Variants in DPP6 observed in about 807,000 individuals in gnomAD.
The protein encoded by DPP6 is A-type potassium channel modulatory protein DPP6.
In DPP6, 69 loss-of-function variants were observed where a neutral mutation model predicts 122.6. The ratio of observed to expected loss-of-function variants is 0.56; its 90% CI spans 0.46 to 0.69. The LOEUF (loss-of-function observed/expected upper bound fraction) is 0.69, where lower values mean the gene tolerates loss of function less well. Among genes scored for constraint, DPP6 ranks in the 30% least tolerant of loss-of-function variants. DPP6 has a pLI of 0.00. For missense variants in DPP6, 928 were observed against 1,116.9 expected (o/e 0.83, Z 2.41); for synonymous variants, 418 against 433.1 (o/e 0.97, Z 0.43).
chr7:154,724,250 C>A (rs969039607), intron 7 of DPP6, among the ~76,000 whole-genome samples: 4 of 152,096 alleles, frequency 2.6e-5, no homozygotes, highest in Non-Finnish European at 4.4e-5. Flanking sequence ...AGAGAGGGGG[C>A]GACTTGCCCA....
chr7:154,844,985 G>A (rs1173177215), intron 16 of DPP6, among the ~76,000 whole-genome samples: 1 of 152,116 alleles, frequency 6.6e-6, no homozygotes, highest in Non-Finnish European at 1.5e-5. Flanking sequence ...AAAGGGCAGG[G>A]GATTCCCTAT....
At chr7:154,452,367 T>A (rs1341284068) in intron 2 of DPP6, among the ~76,000 whole-genome samples, 2 of 152,022 alleles carry the variant, frequency 1.3e-5, no homozygotes, top group Non-Finnish European at 2.9e-5. Flanking sequence ...AAGGCAGGAG[T>A]GGCTTCCACC....
the DPP6 span, among the ~76,000 whole-genome samples, chr7:153,807,243 T>C: frequency 6.6e-6 from 1 of 151,434 alleles, no homozygotes; most frequent in Non-Finnish European, 1.5e-5. Flanking sequence ...TGAAACCCCG[T>C]CTCTACTAAA....
chr7:154,434,212 G>A (rs1023402513), intron 1 of DPP6, among the ~76,000 whole-genome samples: 2 of 152,052 alleles, frequency 1.3e-5, no homozygotes, highest in Non-Finnish European at 2.9e-5. Flanking sequence ...CCCAAGTTTC[G>A]CTACTTAAAG....
chr7:154,705,141 G>A (rs1840757004), intron 7 of DPP6, among the ~76,000 whole-genome samples: 1 of 152,162 alleles, frequency 6.6e-6, no homozygotes, highest in Non-Finnish European at 1.5e-5. Context: ...GGAGAAGGGA[G>A]GGCATAGAAA....
intron 2 of DPP6, among the ~76,000 whole-genome samples, chr7:154,450,694 C>T (rs6464427): frequency 0.3 from 45,697 of 152,018 alleles, 7,960 homozygotes; most frequent in African/African-American, 0.47. Context: ...CCTGCACCTG[C>T]TGAAATCAGA....
chr7:154,053,196 C>A, intron 1 of DPP6, 133 bp downstream of exon 1: 1 of 830,984 alleles, frequency 1.2e-6, no homozygotes, highest in Non-Finnish European at 1.4e-6. Flanking sequence ...TCTCCGGGCG[C>A]CCCCAGACAG....
intron 1 of DPP6, among the ~76,000 whole-genome samples, chr7:153,930,971 G>A (rs1465947614): frequency 2.6e-5 from 4 of 152,184 alleles, no homozygotes; most frequent in African/African-American, 7.2e-5. Context: ...TTTTTACACA[G>A]TTCTGAAAGC....
At chr7:154,411,345 C>T (rs1563624536) in intron 1 of DPP6, among the ~76,000 whole-genome samples, 1 of 152,044 alleles carries the variant, frequency 6.6e-6, no homozygotes, top group East Asian at 1.9e-4. Context: ...GTTCAGGTGA[C>T]CCTCCCACCT....
intron 5 of DPP6, among the ~76,000 whole-genome samples, chr7:154,619,720 T>A (rs1019229723): frequency 6.6e-6 from 1 of 152,254 alleles, no homozygotes; most frequent in African/African-American, 2.4e-5. Flanking sequence ...GATGTGTATA[T>A]GTGTAGATAT....
chr7:153,867,546 T>A, the DPP6 span, among the ~76,000 whole-genome samples: 1 of 152,242 alleles, frequency 6.6e-6, no homozygotes, highest in Non-Finnish European at 1.5e-5. Flanking sequence ...TAAGGAGATT[T>A]TGGGCTGAGA....
At chr7:154,278,829 T>TGTGGGAGTGGGGATGCAC (rs1256743529) in intron 1 of DPP6, among the ~76,000 whole-genome samples, 2 of 151,694 alleles carry the variant, frequency 1.3e-5, no homozygotes, top group African/African-American at 4.8e-5. Context: ...CAGTTGCATG[T>TGTGGGAGTGGGGATGCAC]GTGGGAGTGG....
intron 1 of DPP6, among the ~76,000 whole-genome samples, chr7:153,988,148 T>C (rs143745154): frequency 0.048 from 7,272 of 152,208 alleles, 221 homozygotes; most frequent in South Asian, 0.08. Flanking sequence ...CTGTCCTCCT[T>C]CTTTTTTTCC....
chr7:154,212,559 G>A (rs1280553023), intron 1 of DPP6, among the ~76,000 whole-genome samples: 5 of 152,164 alleles, frequency 3.3e-5, no homozygotes, highest in South Asian at 2.1e-4. Flanking sequence ...GTGTGATGCC[G>A]TAGCACTCAG....
the DPP6 span, among the ~76,000 whole-genome samples, chr7:153,851,242 A>G: frequency 3.9e-5 from 6 of 152,116 alleles, no homozygotes; most frequent in African/African-American, 1.4e-4. Context: ...AAATGTAAAC[A>G]TAAACAATCA....
intron 1 of DPP6, among the ~76,000 whole-genome samples, chr7:154,083,014 A>G (rs1804141692): frequency 2.0e-5 from 3 of 151,492 alleles, no homozygotes; most frequent in Non-Finnish European, 4.4e-5. Context: ...ATGCCCGGCT[A>G]ATTTTTTGTA....
chr7:154,538,384 C>T (rs1027098967), intron 3 of DPP6, among the ~76,000 whole-genome samples: 1 of 152,126 alleles, frequency 6.6e-6, no homozygotes, highest in Non-Finnish European at 1.5e-5. Flanking sequence ...TATCCTGATG[C>T]TCTCCCTCCT....
intron 16 of DPP6, among the ~76,000 whole-genome samples, chr7:154,808,137 G>A (rs974598797): frequency 6.6e-6 from 1 of 152,238 alleles, no homozygotes; most frequent in Non-Finnish European, 1.5e-5. Flanking sequence ...AAGATCAGGA[G>A]CAATTTGCTC....
Position 154,887,690 on chromosome 7 carries a change from G to T in DPP6, c.2260G>T (p.Glu754Ter). Residue 754 changes from glutamate to a stop codon, truncating the protein, a stop_gained, in exon 23 of 26, where the codon GAG (glutamate) becomes TAG (stop). Coordinates refer to ENST00000377770, the MANE Select transcript of DPP6 (RefSeq NM_130797.4). LOFTEE classifies it high-confidence loss of function. ...DFKLYASAFSERYLGLHGLDN... is the reference protein window; with the variant it reads ...DFKLYASAFS ...CTTCCGTGCAGCCTCTGCGTTTTCC[G>T]AGAGGTACTTGGGCCTCCATGGACT... 3 of 1,613,916 alleles carry T rather than the reference G, an allele frequency of 1.9e-6. No homozygotes were observed. Among genetic ancestry groups the T allele is most frequent in the Non-Finnish European group, 2.5e-6 (3 of 1,179,832 alleles).
Sources: allele counts gnomAD v4.1 joint callset (sites outside exome capture counted in the v4.1 genomes callset), GRCh38; gene constraint gnomAD v4.1.1; transcripts MANE v1.5; gene names NCBI Gene and HGNC (gene_info 2026-07-23, HGNC 2026-07-21).